The following SPON1 variants were observed in gnomAD, a reference collection of about 807,000 sequenced individuals.
SPON1 encodes the protein spondin 1, also known as spondin-1.
A neutral mutation model predicts 111.7 loss-of-function variants in SPON1; 52 were observed. The ratio of observed to expected loss-of-function variants is 0.47; its 90% CI spans 0.37 to 0.59. The LOEUF (loss-of-function observed/expected upper bound fraction) is 0.59, where lower values mean the gene tolerates loss of function less well. Among genes scored for constraint, SPON1 ranks in the 20% least tolerant of loss-of-function variants. The pLI, the probability that SPON1 is intolerant of heterozygous loss-of-function variation, is 0.00. For synonymous variants in SPON1, 410 were observed against 395.8 expected, an observed-to-expected ratio of 1.04 and a Z score of -0.43; for missense variants, 957 against 1,068.5, an observed-to-expected ratio of 0.90 and a Z score of 1.46.
At chr11:13,993,938 CA>C (rs146018071) in intron 2 of SPON1, among the ~76,000 whole-genome samples, 3,369 of 152,162 alleles carry the variant, frequency 0.022, 47 homozygotes, top group South Asian at 0.035. Context: ...CTCTGCCAAT[CA>C]AAGGAAAAAA....
intron 5 of SPON1, among the ~76,000 whole-genome samples, chr11:14,092,073 C>T (rs897317062): frequency 6.6e-6 from 1 of 152,208 alleles, no homozygotes; most frequent in Middle Eastern, 3.2e-3. Flanking sequence ...AGAAATCACC[C>T]GCCTTCTGCA....
chr11:14,178,155 G>A (rs1357530178), intron 6 of SPON1, among the ~76,000 whole-genome samples: 4 of 150,504 alleles, frequency 2.7e-5, no homozygotes, highest in Non-Finnish European at 5.9e-5. Context: ...TCAATTAAAT[G>A]AATGTTTAGA....
At chr11:14,113,850 C>T (rs1376247120) in intron 5 of SPON1, among the ~76,000 whole-genome samples, 6 of 151,722 alleles carry the variant, frequency 4.0e-5, no homozygotes, top group African/African-American at 7.3e-5. Flanking sequence ...GTGATCCGCC[C>T]GCCTCAGCCT....
chr11:14,243,001 A>G (rs7946907), intron 6 of SPON1, among the ~76,000 whole-genome samples: 71,961 of 152,152 alleles, frequency 0.47, 17,478 homozygotes, highest in African/African-American at 0.54. Context: ...CTGCCCTCTG[A>G]AATGGACATG....
chr11:13,963,156 C>A lies in SPON1; in HGVS notation c.238+14C>A. ...CCAGCTACCGCGGTAAGTGGCCGCC[C>A]GGCGTGGCATTAGGAGAGCGGGACC... On this transcript the variant is annotated intron_variant, in intron 1 of 15. Transcript: ENST00000576479. The A allele has an allele frequency of 6.7e-7, 1 of 1,484,998 alleles. No homozygotes were observed. The highest frequency in any genetic ancestry group is 1.4e-5 in the African/African-American group (1 of 69,444). The allele number at this position is 1,484,998 out of a possible 1,614,324, so 92.0% of individuals were successfully genotyped here. A position where few individuals can be genotyped will look rare whatever the true frequency, so the allele number is the denominator to read the frequency against.
intron 6 of SPON1, among the ~76,000 whole-genome samples, chr11:14,141,023 C>CA (rs2133863481): frequency 1.6e-5 from 2 of 122,868 alleles, no homozygotes; most frequent in African/African-American, 5.6e-5. Context: ...GCAGGCGTGC[C>CA]CCCCCCATGC....
At chr11:14,120,612 T>G (rs1200016974) in intron 5 of SPON1, among the ~76,000 whole-genome samples, 13 of 152,278 alleles carry the variant, frequency 8.5e-5, no homozygotes, top group Middle Eastern at 6.8e-3. Context: ...GACTATGACC[T>G]GAACTGACCA....
At chr11:14,116,390 A>G (rs1193755811) in intron 5 of SPON1, among the ~76,000 whole-genome samples, 2 of 152,116 alleles carry the variant, frequency 1.3e-5, no homozygotes, top group Non-Finnish European at 2.9e-5. Flanking sequence ...TAGATATTGA[A>G]CTGATCTGTA....
chr11:13,967,766 C>G (rs1848030023), intron 1 of SPON1, among the ~76,000 whole-genome samples: 1 of 152,148 alleles, frequency 6.6e-6, no homozygotes, highest in Non-Finnish European at 1.5e-5. Flanking sequence ...TACCTCTCTT[C>G]CCTTTTTTGC....
intron 2 of SPON1, among the ~76,000 whole-genome samples, chr11:14,014,582 A>G (rs566634109): frequency 9.2e-5 from 14 of 152,224 alleles, no homozygotes; most frequent in Non-Finnish European, 1.8e-4. Context: ...GCAGTGGTGA[A>G]CAACAATAAA....
intron 6 of SPON1, among the ~76,000 whole-genome samples, chr11:14,152,300 A>G (rs1847797427): frequency 6.6e-6 from 1 of 152,184 alleles, no homozygotes; most frequent in South Asian, 2.1e-4. Context: ...CCAAACTACA[A>G]CCTATTTCCC....
chr11:14,161,964 G>C (rs1294587735), intron 6 of SPON1, among the ~76,000 whole-genome samples: 1 of 151,802 alleles, frequency 6.6e-6, no homozygotes, highest in Admixed American at 6.6e-5. Context: ...GACCAGCCTG[G>C]CTAACATGGC....
Position 14,144,671 on chromosome 11 carries a change from G to A in SPON1, c.825+9103G>A, listed in dbSNP as rs7940344. On this transcript the variant is annotated intron_variant, in intron 6 of 15. Transcript: ENST00000576479. ...TAATAATAATAATAATAATAATAAT[G>A]AAAAATAAAAAGTAAAAACCCAAAG... Among the ~76,000 whole-genome samples, 467 of 112,688 alleles carry A rather than the reference G, an allele frequency of 4.1e-3. 1 individual carries two copies. The highest frequency in any genetic ancestry group is 9.8e-3 in the African/African-American group (294 of 29,970). The allele number at this position is 112,688 out of a possible 152,430, so 73.9% of individuals were successfully genotyped here.
intron 5 of SPON1, among the ~76,000 whole-genome samples, chr11:14,128,288 G>A (rs1161575092): frequency 6.6e-6 from 1 of 152,180 alleles, no homozygotes; most frequent in Non-Finnish European, 1.5e-5. Context: ...TTACTTCCAA[G>A]GTAAAATGAG....
intron 15 of SPON1, among the ~76,000 whole-genome samples, chr11:14,264,779 A>C (rs547549438): frequency 5.9e-5 from 9 of 152,354 alleles, no homozygotes; most frequent in African/African-American, 2.2e-4. Flanking sequence ...TGGAAGCAGT[A>C]ATCAAAAGAT....
At chr11:13,996,711 G>GTATATATATATATATATATATATA (rs145375464) in intron 2 of SPON1, among the ~76,000 whole-genome samples, 42 of 145,194 alleles carry the variant, frequency 2.9e-4, no homozygotes, top group African/African-American at 1.1e-3. Flanking sequence ...ACCTATGTGT[G>GTATATATATATATATATATATATA]TATATATATA....
chr11:14,076,795 T>C (rs954913152), intron 4 of SPON1, among the ~76,000 whole-genome samples: 3 of 152,022 alleles, frequency 2.0e-5, no homozygotes, highest in Admixed American at 6.6e-5. Flanking sequence ...AGAGAGAGAG[T>C]TGGATACCTT....
In SPON1 at chr11:14,160,417, T is replaced by A. The variant is rs797035649; in HGVS notation, c.825+24849T>A. On this transcript the variant is annotated intron_variant, in intron 6 of 15. Coordinates refer to ENST00000576479, the MANE Select transcript of SPON1 (RefSeq NM_006108.4). ...TATATATATATTTATATATATATAT[T>A]TATATATATATATTTATATATATAT... Among the ~76,000 whole-genome samples, 16 of 18,878 alleles carry A rather than the reference T, an allele frequency of 8.5e-4. 2 individuals are homozygous for A. The highest frequency in any genetic ancestry group is 3.6e-3 in the African/African-American group (15 of 4,208). 12.4% of individuals were successfully genotyped at this position (18,878 alleles called of 152,430 possible). A position where few individuals can be genotyped will look rare whatever the true frequency, so the allele number is the denominator to read the frequency against.
At chr11:14,025,347 A>G (rs1210059074) in intron 2 of SPON1, among the ~76,000 whole-genome samples, 1 of 152,238 alleles carries the variant, frequency 6.6e-6, no homozygotes, top group Non-Finnish European at 1.5e-5. Flanking sequence ...TATTCATTCT[A>G]CAAATATTGA....
Sources: allele counts gnomAD v4.1 joint callset (sites outside exome capture counted in the v4.1 genomes callset), GRCh38; gene constraint gnomAD v4.1.1; transcripts MANE v1.5; gene names NCBI Gene and HGNC (gene_info 2026-07-23, HGNC 2026-07-21).